The following EBF2 variants were observed in gnomAD, a reference collection of about 807,000 sequenced individuals.
EBF2 encodes EBF transcription factor 2.
EBF2 carries 21 observed loss-of-function variants against 72.8 expected under a neutral mutation model. The observed-to-expected ratio is 0.29, with a 90% confidence interval of 0.20 to 0.42. The LOEUF is 0.42. Ranked by LOEUF, EBF2 falls within the 10% of genes least tolerant of loss-of-function variation. EBF2 has a pLI of 1.00. For synonymous variants in EBF2, 299 were observed against 274.2 expected, an observed-to-expected ratio of 1.09 and a Z score of -0.89; for missense variants, 637 against 731.2, an observed-to-expected ratio of 0.87 and a Z score of 1.49.
chr8:25,848,819 G>T (rs1167416975), intron 15 of EBF2, among the ~76,000 whole-genome samples: 1 of 152,144 alleles, frequency 6.6e-6, no homozygotes, highest in East Asian at 1.9e-4. Flanking sequence ...TCTGCATTTT[G>T]CCAGTAAGAC....
intron 11 of EBF2, among the ~76,000 whole-genome samples, chr8:25,861,847 T>A (rs1802218466): frequency 6.6e-6 from 1 of 152,256 alleles, no homozygotes; most frequent in African/African-American, 2.4e-5. Flanking sequence ...TAAAGATGAA[T>A]TCTTTCAATA....
chr8:25,950,151 G>T (rs1307546539), intron 6 of EBF2, among the ~76,000 whole-genome samples: 1 of 152,196 alleles, frequency 6.6e-6, no homozygotes, highest in Non-Finnish European at 1.5e-5. Context: ...GCCCCACTGA[G>T]CTGTTTCCTC....
At chr8:25,894,774 T>G (rs561709518) in intron 7 of EBF2, among the ~76,000 whole-genome samples, 1 of 152,336 alleles carries the variant, frequency 6.6e-6, no homozygotes, top group Admixed American at 6.5e-5. Flanking sequence ...CCAAGGGTCT[T>G]CTGATCATAT....
At chr8:25,923,804 A>C (rs1166675037) in intron 6 of EBF2, among the ~76,000 whole-genome samples, 2 of 152,218 alleles carry the variant, frequency 1.3e-5, no homozygotes, top group Non-Finnish European at 2.9e-5. Flanking sequence ...AACCCAAGAC[A>C]ACAATAACAA....
chr8:26,045,400 G>C lies in EBF2; in HGVS notation c.-541C>G, dbSNP rs1805688159. 1 of 152,352 alleles carries C rather than the reference G, an allele frequency of 6.6e-6. No individual in the cohort carries two copies. The highest frequency in any genetic ancestry group is 6.5e-5 in the Admixed American group (1 of 15,292). The allele number at this position is 152,352 out of a possible 1,614,324, so 9.4% of individuals were successfully genotyped here. A position where few individuals can be genotyped will look rare whatever the true frequency, so the allele number is the denominator to read the frequency against. On this transcript the variant is annotated 5_prime_UTR_variant, in exon 1 of 16. Coordinates refer to ENST00000520164, the MANE Select transcript of EBF2 (RefSeq NM_022659.4). ...AGCCGCGCGCGGGCCCCATGAATGG[G>C]TTACTACGGCCCTGGCTGCGGGAGG...
intron 6 of EBF2, among the ~76,000 whole-genome samples, chr8:26,024,751 G>T (rs964294670): frequency 6.6e-6 from 1 of 152,142 alleles, no homozygotes; most frequent in African/African-American, 2.4e-5. Flanking sequence ...CAGGATAATT[G>T]CCCTGACTTT....
rs987624150 is a variant in EBF2 at position 25,841,843 on chromosome 8, CA to C, written c.*2765del. The stretch of plus-strand genomic sequence containing the variant: ...AAGTAAGACCATTAAAAACAGTAAA[CA>C]AAAAAGCTGTCTTTACAAAAAGCTC... On this transcript the variant is annotated 3_prime_UTR_variant, in exon 16 of 16. Transcript: ENST00000520164. The C allele has an allele frequency of 6.6e-6, 1 of 151,968 alleles. No homozygotes were observed. Among genetic ancestry groups the C allele is most frequent in the Non-Finnish European group, 1.5e-5 (1 of 67,966 alleles). 9.4% of individuals were successfully genotyped at this position (151,968 alleles called of 1,614,324 possible). A position where few individuals can be genotyped will look rare whatever the true frequency, so the allele number is the denominator to read the frequency against.
chr8:25,969,692 G>A (rs1369454169), intron 6 of EBF2, among the ~76,000 whole-genome samples: 1 of 152,222 alleles, frequency 6.6e-6, no homozygotes, highest in Non-Finnish European at 1.5e-5. Flanking sequence ...AGGCAGGGTT[G>A]TTCAAGGCTC....
At chr8:25,912,327 T>G (rs939476970) in intron 6 of EBF2, among the ~76,000 whole-genome samples, 9 of 152,114 alleles carry the variant, frequency 5.9e-5, no homozygotes, top group African/African-American at 1.9e-4. Flanking sequence ...CCAATGACAC[T>G]GTGAAGATTG....
intron 10 of EBF2, among the ~76,000 whole-genome samples, chr8:25,877,046 A>G (rs2117279304): frequency 6.6e-6 from 1 of 152,332 alleles, no homozygotes; most frequent in East Asian, 1.9e-4. Context: ...ACAATAGTGA[A>G]AAGCTGTGCT....
chr8:26,013,493 C>T (rs181400460), intron 6 of EBF2, among the ~76,000 whole-genome samples: 125 of 152,242 alleles, frequency 8.2e-4, no homozygotes, highest in African/African-American at 2.8e-3. Context: ...CGGTTCTAAT[C>T]ATCTGTCTTT....
At chr8:25,921,576 T>C (rs1803306235) in intron 6 of EBF2, among the ~76,000 whole-genome samples, 1 of 152,196 alleles carries the variant, frequency 6.6e-6, no homozygotes, top group Non-Finnish European at 1.5e-5. Flanking sequence ...CTCTATTAAC[T>C]CTATGGGAAT....
intron 5 of EBF2, among the ~76,000 whole-genome samples, chr8:26,039,354 T>A (rs1238754057): frequency 6.6e-6 from 1 of 152,106 alleles, no homozygotes; most frequent in Non-Finnish European, 1.5e-5. Context: ...TTTCACGACG[T>A]GAATATCAGA....
chr8:25,911,815 G>A (rs769816465), intron 6 of EBF2, among the ~76,000 whole-genome samples: 4 of 152,160 alleles, frequency 2.6e-5, no homozygotes, highest in African/African-American at 9.7e-5. Flanking sequence ...AGACGTAGGT[G>A]AAACCCACTG....
At chr8:25,898,961 T>C (rs1447812897) in intron 7 of EBF2, among the ~76,000 whole-genome samples, 1 of 152,220 alleles carries the variant, frequency 6.6e-6, no homozygotes, top group African/African-American at 2.4e-5. Context: ...TGTTTCCAGC[T>C]AACTGCAGTC....
chr8:25,853,845 AAAAC>A (rs199958365), intron 14 of EBF2, among the ~76,000 whole-genome samples: 15 of 152,182 alleles, frequency 9.9e-5, no homozygotes, highest in Non-Finnish European at 1.9e-4. Flanking sequence ...AGATGAAAAA[AAAAC>A]AGATTACATA....
chr8:25,880,104 A>G (rs781636080), intron 10 of EBF2, among the ~76,000 whole-genome samples: 36 of 152,226 alleles, frequency 2.4e-4, no homozygotes, highest in Non-Finnish European at 4.8e-4. Flanking sequence ...AATGTATAAC[A>G]TAGCAGTTAA....
chr8:25,945,686 T>A (rs1329746658), intron 6 of EBF2, among the ~76,000 whole-genome samples: 1 of 151,772 alleles, frequency 6.6e-6, no homozygotes, highest in East Asian at 1.9e-4. Context: ...CCTTTGAATG[T>A]CCCTGAATAA....
chr8:25,919,715 G>A (rs71517861), intron 6 of EBF2, among the ~76,000 whole-genome samples: 1 of 152,148 alleles, frequency 6.6e-6, no homozygotes, highest in Non-Finnish European at 1.5e-5. Flanking sequence ...GGAGGCTGTT[G>A]GCCAAAGCCG....
Sources: allele counts gnomAD v4.1 joint callset (sites outside exome capture counted in the v4.1 genomes callset), GRCh38; gene constraint gnomAD v4.1.1; transcripts MANE v1.5; gene names NCBI Gene and HGNC (gene_info 2026-07-23, HGNC 2026-07-21).